OSBPL10: variants seen among roughly 807,000 people sequenced by gnomAD.
OSBPL10 encodes oxysterol binding protein like 10.
Under a neutral mutation model 81.7 loss-of-function variants are expected in OSBPL10, and 49 were observed. The ratio of observed to expected loss-of-function variants is 0.60; its 90% CI spans 0.48 to 0.76. The LOEUF is 0.76. OSBPL10 is among the 30% of genes least tolerant of loss of function. The probability of loss-of-function intolerance (pLI) is 0.00; values close to 1 mark genes in which losing one functional copy is unlikely to be tolerated. For missense variants in OSBPL10, 923 were observed against 987.8 expected, an observed-to-expected ratio of 0.93 and a Z score of 0.88; for synonymous variants, 419 against 383.6, an observed-to-expected ratio of 1.09 and a Z score of -1.08.
At chr3:31,819,503 A>G (rs1291047907) in intron 4 of OSBPL10, among the ~76,000 whole-genome samples, 1 of 152,210 alleles carries the variant, frequency 6.6e-6, no homozygotes, top group African/African-American at 2.4e-5. Flanking sequence ...CCAAGTGAAT[A>G]AATTCATCGA....
chr3:31,758,503 A>G (rs2125715982), intron 4 of OSBPL10, among the ~76,000 whole-genome samples: 1 of 150,968 alleles, frequency 6.6e-6, no homozygotes, highest in South Asian at 2.1e-4. Flanking sequence ...CTTTCAAACA[A>G]CTCCACCCCC....
At chr3:31,784,416 G>GGAAAAT (rs1318762534) in intron 4 of OSBPL10, among the ~76,000 whole-genome samples, 3 of 151,286 alleles carry the variant, frequency 2.0e-5, no homozygotes, top group Non-Finnish European at 4.4e-5. Flanking sequence ...AAAAGGAAAA[G>GGAAAAT]GAAGGAAAGA....
At chr3:31,948,331 G>A (rs1391791661) in intron 1 of OSBPL10, among the ~76,000 whole-genome samples, 1 of 152,174 alleles carries the variant, frequency 6.6e-6, no homozygotes, top group Non-Finnish European at 1.5e-5. Context: ...CATCCAGGAA[G>A]TTAAAAAACT....
chr3:31,799,387 A>T (rs1234949299), intron 4 of OSBPL10, among the ~76,000 whole-genome samples: 3 of 149,260 alleles, frequency 2.0e-5, no homozygotes, highest in African/African-American at 7.3e-5. Context: ...TTTAAAAAAA[A>T]AAAAAAAAAA....
chr3:31,946,649 A>C (rs560764435), intron 1 of OSBPL10, among the ~76,000 whole-genome samples: 1 of 152,322 alleles, frequency 6.6e-6, no homozygotes, highest in African/African-American at 2.4e-5. Flanking sequence ...GGTGACAGGA[A>C]GCCTTTATCA....
intron 2 of OSBPL10, among the ~76,000 whole-genome samples, chr3:32,023,403 C>A (rs1430868533): frequency 6.6e-6 from 1 of 152,164 alleles, no homozygotes; most frequent in Non-Finnish European, 1.5e-5. Context: ...ATTGTGAGGC[C>A]TCCCCAGCCA....
intron 2 of OSBPL10, among the ~76,000 whole-genome samples, chr3:31,992,632 G>T (rs1056966999): frequency 1.2e-4 from 18 of 152,158 alleles, no homozygotes; most frequent in African/African-American, 4.3e-4. Flanking sequence ...GGACCCTTGT[G>T]ATTACATTGA....
At position 31,871,720 on chromosome 3, in the gene OSBPL10, G is replaced by A. The variant is rs1000502030; in HGVS notation, c.537+4713C>T. Among the ~76,000 whole-genome samples, 23 of 152,232 alleles carry A rather than the reference G, an allele frequency of 1.5e-4. 1 individual carries two copies. Among genetic ancestry groups the A allele is most frequent in the Admixed American group, 9.2e-4 (14 of 15,292 alleles). Reference sequence around the variant, plus strand: ...ACCCTGTTTCTACAAAAAATTAGCCGGGGATGATGGTGTGTGCCTGTGGCC... The same window carrying A: ...ACCCTGTTTCTACAAAAAATTAGCCAGGGATGATGGTGTGTGCCTGTGGCC... On this transcript the variant is annotated intron_variant, in intron 3 of 11. Transcript: ENST00000396556.
intron 4 of OSBPL10, among the ~76,000 whole-genome samples, chr3:31,798,760 T>G (rs1037040459): frequency 6.6e-6 from 1 of 152,152 alleles, no homozygotes; most frequent in Non-Finnish European, 1.5e-5. Context: ...CCTGTTTTAT[T>G]TCATGGTGGA....
At chr3:31,881,201 C>T (rs181677989) in intron 1 of OSBPL10, among the ~76,000 whole-genome samples, 3 of 152,274 alleles carry the variant, frequency 2.0e-5, no homozygotes, top group South Asian at 2.1e-4. Flanking sequence ...CTACACTCTG[C>T]GGAAGTGGAA....
chr3:32,032,920 G>A (rs927960072), intron 2 of OSBPL10, among the ~76,000 whole-genome samples: 2 of 152,156 alleles, frequency 1.3e-5, no homozygotes, highest in African/African-American at 4.8e-5. Context: ...ACCATTGAAA[G>A]AAAATTCACA....
chr3:31,940,209 G>A (rs182718033), intron 1 of OSBPL10, among the ~76,000 whole-genome samples: 2 of 152,274 alleles, frequency 1.3e-5, no homozygotes, highest in Admixed American at 1.3e-4. Flanking sequence ...AGCAAACTGG[G>A]TGAACCCATA....
intron 4 of OSBPL10, among the ~76,000 whole-genome samples, chr3:31,809,848 G>A (rs1699626967): frequency 7.0e-6 from 1 of 143,558 alleles, no homozygotes. Flanking sequence ...CCAAGAAAAT[G>A]TCAATGGGTG....
intron 7 of OSBPL10, among the ~76,000 whole-genome samples, chr3:31,691,253 T>C (rs1695539443): frequency 6.6e-6 from 1 of 152,136 alleles, no homozygotes; most frequent in Admixed American, 6.5e-5. Flanking sequence ...AATCTAAAAG[T>C]AAATAACCAA....
chr3:31,905,345 A>AT (rs386396290), intron 1 of OSBPL10, among the ~76,000 whole-genome samples: 5,247 of 94,804 alleles, frequency 0.055, 524 homozygotes, highest in African/African-American at 0.11. Context: ...GAACCTGGTG[A>AT]TTTTTTTTTT....
intron 4 of OSBPL10, among the ~76,000 whole-genome samples, chr3:31,786,758 A>G (rs1035415648): frequency 6.6e-6 from 1 of 152,186 alleles, no homozygotes; most frequent in African/African-American, 2.4e-5. Flanking sequence ...AGCACTTTAA[A>G]AGTTTTGGTT....
intron 1 of OSBPL10, among the ~76,000 whole-genome samples, chr3:31,976,080 G>C (rs549879654): frequency 6.6e-6 from 1 of 152,284 alleles, no homozygotes; most frequent in South Asian, 2.1e-4. Flanking sequence ...CCTTCAAAAT[G>C]AAGTAATCAT....
intron 2 of OSBPL10, among the ~76,000 whole-genome samples, chr3:32,010,661 G>A (rs1334954790): frequency 6.6e-6 from 1 of 152,222 alleles, no homozygotes; most frequent in Non-Finnish European, 1.5e-5. Context: ...CACCCAGGAA[G>A]TGCAAGGGGT....
chr3:31,931,982 C>T (rs1236353216), intron 1 of OSBPL10, among the ~76,000 whole-genome samples: 2 of 151,998 alleles, frequency 1.3e-5, no homozygotes, highest in African/African-American at 4.8e-5. Context: ...GCAGAGGTTG[C>T]AGTGAGCCAA....
Sources: allele counts gnomAD v4.1 joint callset (sites outside exome capture counted in the v4.1 genomes callset), GRCh38; gene constraint gnomAD v4.1.1; transcripts MANE v1.5; gene names NCBI Gene and HGNC (gene_info 2026-07-23, HGNC 2026-07-21).